ABLIM1: variants seen among roughly 807,000 people sequenced by gnomAD.
ABLIM1 encodes the protein actin-binding LIM protein 1.
ABLIM1 carries 40 observed loss-of-function variants against 107.0 expected under a neutral mutation model. The observed-to-expected ratio is 0.37, with a 90% CI of 0.29 to 0.49. The LOEUF is 0.49. Among genes scored for constraint, ABLIM1 ranks in the 20% least tolerant of loss-of-function variants. The pLI is 0.97. For missense variants in ABLIM1, 857 were observed against 1,008.5 expected, an observed-to-expected ratio of 0.85 and a Z score of 2.04; for synonymous variants, 357 against 357.3, an observed-to-expected ratio of 1.00 and a Z score of 0.01.
the ABLIM1 span, among the ~76,000 whole-genome samples, chr10:114,780,366 G>C: frequency 6.8e-4 from 104 of 152,270 alleles, no homozygotes; most frequent in African/African-American, 2.3e-3. Flanking sequence ...TCTTGAATCA[G>C]GCAACAACTC....
intron 8 of ABLIM1, among the ~76,000 whole-genome samples, chr10:114,476,769 C>T (rs1240893540): frequency 6.6e-6 from 1 of 152,156 alleles, no homozygotes; most frequent in African/African-American, 2.4e-5. Context: ...ATGCTACCCC[C>T]TGAAAAAGCT....
At chr10:114,613,289 A>G (rs1250682118) in intron 1 of ABLIM1, among the ~76,000 whole-genome samples, 1 of 152,214 alleles carries the variant, frequency 6.6e-6, no homozygotes, top group Non-Finnish European at 1.5e-5. Flanking sequence ...AGAAGAAAAT[A>G]AAATTTTAAG....
rs556292698 is a variant in ABLIM1, at chr10:114,753,554, A to G, written c.-213+14507T>C. ...GAGCAATGTCTGTACATACTAATAC[A>G]GAAAGATCTCAACATATATGTGAAA... On this transcript the variant is annotated intron_variant, in intron 1 of 15. Coordinates refer to the ABLIM1 transcript ENST00000651092. Among the ~76,000 whole-genome samples the G allele has an allele frequency of 5.3e-5, 8 of 152,354 alleles. No individual in the cohort carries two copies. In the East Asian group the frequency reaches 1.5e-3, roughly 29 times the overall value.
chr10:114,508,104 A>G (rs2061395849), intron 6 of ABLIM1, among the ~76,000 whole-genome samples: 1 of 152,220 alleles, frequency 6.6e-6, no homozygotes, highest in Admixed American at 6.5e-5. Context: ...CCTTAAGGGC[A>G]TTCAATTGAA....
At chr10:114,496,006 A>G (rs1418665495) in intron 6 of ABLIM1, among the ~76,000 whole-genome samples, 3 of 152,256 alleles carry the variant, frequency 2.0e-5, no homozygotes, top group Non-Finnish European at 4.4e-5. Context: ...GCACAAAGTA[A>G]TAACAATAAT....
At chr10:114,572,962 C>A (rs2138852467) in intron 3 of ABLIM1, among the ~76,000 whole-genome samples, 1 of 152,322 alleles carries the variant, frequency 6.6e-6, no homozygotes, top group Admixed American at 6.5e-5. Flanking sequence ...TCGCTTACCC[C>A]ACCCAAGCCC....
intron 1 of ABLIM1, chr10:114,632,620 A>G: frequency 1.0e-5 from 10 of 985,436 alleles, no homozygotes; most frequent in South Asian, 9.4e-5. Context: ...GGGGGAAGGT[A>G]GAGACTGAGA....
chr10:114,590,309 G>A (rs2074714367), intron 2 of ABLIM1, among the ~76,000 whole-genome samples: 1 of 152,128 alleles, frequency 6.6e-6, no homozygotes, highest in African/African-American at 2.4e-5. Context: ...TACTTAAGAA[G>A]CTGGTTGAAA....
chr10:114,718,881 C>T (rs1351268209), intron 1 of ABLIM1, among the ~76,000 whole-genome samples: 1 of 152,116 alleles, frequency 6.6e-6, no homozygotes, highest in East Asian at 1.9e-4. Flanking sequence ...TATGCGTATA[C>T]ATGTGGGAAA....
intron 6 of ABLIM1, among the ~76,000 whole-genome samples, chr10:114,531,674 C>G (rs1006941623): frequency 1.3e-5 from 2 of 151,630 alleles, no homozygotes; most frequent in African/African-American, 4.8e-5. Context: ...CATGCCACCA[C>G]ACCCAGCTAA....
chr10:114,586,118 C>T (rs1289284408), intron 2 of ABLIM1, among the ~76,000 whole-genome samples: 2 of 152,096 alleles, frequency 1.3e-5, no homozygotes, highest in Non-Finnish European at 2.9e-5. Flanking sequence ...CATCTTTGCC[C>T]CTGAAACTAC....
chr10:114,509,943 G>A (rs1229789461), intron 6 of ABLIM1, among the ~76,000 whole-genome samples: 2 of 152,194 alleles, frequency 1.3e-5, no homozygotes, highest in African/African-American at 4.8e-5. Flanking sequence ...TTACATGGCG[G>A]CCAGCAAGAG....
chr10:114,743,545 T>G (rs2082326756), intron 1 of ABLIM1, among the ~76,000 whole-genome samples: 1 of 152,204 alleles, frequency 6.6e-6, no homozygotes, highest in Non-Finnish European at 1.5e-5. Context: ...ATAAATATTT[T>G]AGTTATTTGT....
chr10:114,546,555 A>G (rs2067372495), intron 5 of ABLIM1, among the ~76,000 whole-genome samples: 1 of 152,010 alleles, frequency 6.6e-6, no homozygotes, highest in African/African-American at 2.4e-5. Context: ...TCGGCCTCCC[A>G]AAGTACTGGG....
intron 1 of ABLIM1, among the ~76,000 whole-genome samples, chr10:114,608,314 C>T (rs1466090765): frequency 3.3e-5 from 5 of 151,132 alleles, no homozygotes; most frequent in East Asian, 3.9e-4. Flanking sequence ...CAGTGAGGCG[C>T]GATTGCACCA....
At chr10:114,723,364 A>G (rs960706995) in intron 1 of ABLIM1, among the ~76,000 whole-genome samples, 1 of 152,140 alleles carries the variant, frequency 6.6e-6, no homozygotes, top group Non-Finnish European at 1.5e-5. Flanking sequence ...TAACCTGGCC[A>G]AAGTCTGGGT....
intron 8 of ABLIM1, among the ~76,000 whole-genome samples, chr10:114,480,389 A>T (rs1194409904): frequency 6.6e-6 from 1 of 152,238 alleles, no homozygotes; most frequent in Non-Finnish European, 1.5e-5. Flanking sequence ...GCTCACTTCT[A>T]CAGAATAAAG....
intron 2 of ABLIM1, among the ~76,000 whole-genome samples, chr10:114,597,070 G>C (rs572536995): frequency 6.6e-6 from 1 of 152,286 alleles, no homozygotes; most frequent in East Asian, 1.9e-4. Flanking sequence ...TTTGGCACAT[G>C]CTCCCCACCC....
the ABLIM1 span, among the ~76,000 whole-genome samples, chr10:114,798,822 A>G: frequency 6.6e-6 from 1 of 151,700 alleles, no homozygotes; most frequent in Non-Finnish European, 1.5e-5. Context: ...TTTGAGACGG[A>G]GTCTCGCTCT....
Sources: allele counts gnomAD v4.1 joint callset (sites outside exome capture counted in the v4.1 genomes callset), GRCh38; gene constraint gnomAD v4.1.1; transcripts MANE v1.5; gene names NCBI Gene and HGNC (gene_info 2026-07-23, HGNC 2026-07-21).